PTPRO: variants seen among roughly 807,000 people sequenced by gnomAD.
The protein encoded by PTPRO is protein tyrosine phosphatase receptor type O, also known as receptor-type tyrosine-protein phosphatase O.
In PTPRO, 62 loss-of-function variants were observed where a neutral mutation model predicts 145.2. That is an observed-to-expected ratio of 0.43 (90% CI 0.35 to 0.53). The LOEUF is 0.53. Among genes scored for constraint, PTPRO ranks in the 20% least tolerant of loss-of-function variants. The pLI is 0.01. For synonymous variants in PTPRO, 565 were observed against 514.7 expected (o/e 1.10, Z -1.32); for missense variants, 1,345 against 1,482.7 (o/e 0.91, Z 1.53).
chr12:15,444,901 G>A (rs1274236355), intron 1 of PTPRO, among the ~76,000 whole-genome samples: 1 of 151,902 alleles, frequency 6.6e-6, no homozygotes, highest in African/African-American at 2.4e-5. Context: ...TTTTCACACT[G>A]GCCTTATTCC....
chr12:15,360,326 G>A (rs1282814312), intron 1 of PTPRO, among the ~76,000 whole-genome samples: 3 of 152,084 alleles, frequency 2.0e-5, no homozygotes, highest in Non-Finnish European at 4.4e-5. Flanking sequence ...AGTGACCTGA[G>A]ACTAATGATC....
intron 23 of PTPRO, among the ~76,000 whole-genome samples, chr12:15,585,106 T>C (rs1464182365): frequency 6.6e-6 from 1 of 152,206 alleles, no homozygotes; most frequent in Non-Finnish European, 1.5e-5. Flanking sequence ...AATTTAATGA[T>C]TTCCTGATTT....
intron 1 of PTPRO, among the ~76,000 whole-genome samples, chr12:15,330,843 C>T (rs1439747941): frequency 2.6e-5 from 4 of 152,184 alleles, no homozygotes; most frequent in African/African-American, 9.7e-5. Flanking sequence ...ATCGCTTTGG[C>T]TAGTCCATCC....
intron 1 of PTPRO, among the ~76,000 whole-genome samples, chr12:15,450,681 G>A (rs897036611): frequency 6.6e-6 from 1 of 152,094 alleles, no homozygotes; most frequent in Admixed American, 6.6e-5. Flanking sequence ...GCTGGGGTGG[G>A]AGGATTGCTT....
intron 1 of PTPRO, among the ~76,000 whole-genome samples, chr12:15,481,840 T>C (rs1314708598): frequency 1.3e-5 from 2 of 152,122 alleles, no homozygotes; most frequent in African/African-American, 2.4e-5. Flanking sequence ...AGAGTAGTGA[T>C]GTGTATTGTG....
intron 1 of PTPRO, among the ~76,000 whole-genome samples, chr12:15,340,664 T>C (rs936797450): frequency 6.6e-6 from 1 of 152,214 alleles, no homozygotes; most frequent in Non-Finnish European, 1.5e-5. Flanking sequence ...TACGTGCTGA[T>C]GGGGAGAACT....
chr12:15,568,034 T>G (rs1462561706), intron 18 of PTPRO, among the ~76,000 whole-genome samples: 1 of 152,222 alleles, frequency 6.6e-6, no homozygotes, highest in East Asian at 1.9e-4. Flanking sequence ...TAACGCCCTC[T>G]AAAATTTACT....
At position 15,497,251 on chromosome 12, in the gene PTPRO, T is replaced by TACCTGTA; in HGVS notation, c.360_366dup (p.Ser123CysfsTer8). On this transcript the variant is annotated frameshift_variant, in exon 3 of 27. Transcript: ENST00000281171. LOFTEE classifies it high-confidence loss of function. ...ATTTACTTCACTTCTGTAGAACCTC[T>TACCTGTA]ACCTGTAACCAGTGTTTCCATATAT... The TACCTGTA allele has an allele frequency of 6.4e-7, 1 of 1,568,210 alleles. No individual in the cohort carries two copies.
At chr12:15,361,252 A>T (rs957068732) in intron 1 of PTPRO, among the ~76,000 whole-genome samples, 1 of 151,780 alleles carries the variant, frequency 6.6e-6, no homozygotes, top group Non-Finnish European at 1.5e-5. Context: ...CCTGGCCAGC[A>T]TGGTGAAAAC....
chr12:15,357,939 A>G (rs1938049101), intron 1 of PTPRO, among the ~76,000 whole-genome samples: 1 of 151,236 alleles, frequency 6.6e-6, no homozygotes, highest in Admixed American at 6.6e-5. Flanking sequence ...ATGCACACGT[A>G]TGTTTATTGC....
At chr12:15,504,130 A>G in intron 6 of PTPRO, 61 bp downstream of exon 6, 2 of 1,508,250 alleles carry the variant, frequency 1.3e-6, no homozygotes, top group Non-Finnish European at 1.8e-6. Context: ...AACTGGTGGG[A>G]TTAATGATGC....
chr12:15,353,382 G>A lies in PTPRO; in HGVS notation c.75+30581G>A, dbSNP rs183315206. Among the ~76,000 whole-genome samples, 24 of 151,752 alleles carry A rather than the reference G, an allele frequency of 1.6e-4. No individual in the cohort carries two copies. In the East Asian group the frequency reaches 3.9e-3, roughly 24 times the overall value. ...CCATTTAGTCTGTCCCTAAAGAACT[G>A]AGGCTCCTAAGAATTTAACCATGTT... On this transcript the variant is annotated intron_variant, in intron 1 of 26. Coordinates refer to ENST00000281171, the MANE Select transcript of PTPRO (RefSeq NM_030667.3).
In PTPRO at chr12:15,322,935, C is replaced by A; in HGVS notation, c.75+134C>A. 1 of 821,680 alleles carries A rather than the reference C, an allele frequency of 1.2e-6. No individual in the cohort carries two copies. 50.9% of individuals were successfully genotyped at this position (821,680 alleles called of 1,614,324 possible). A position where few individuals can be genotyped will look rare whatever the true frequency, so the allele number is the denominator to read the frequency against. On this transcript the variant is annotated intron_variant, in intron 1 of 26. Transcript: ENST00000281171. The surrounding 1 kb of genome is among the most constrained non-coding windows in gnomAD (Gnocchi z 6.3). ...CCGCGGGAAGCGCCTGCCGTGCAGC[C>A]TGGGCGCACGCTTTGTTGTCCTCGC...
intron 1 of PTPRO, among the ~76,000 whole-genome samples, chr12:15,343,530 A>G (rs1181742282): frequency 6.6e-6 from 1 of 152,066 alleles, no homozygotes; most frequent in Non-Finnish European, 1.5e-5. Flanking sequence ...TCTACAAAAA[A>G]TTTCAAAATT....
At chr12:15,340,215 G>A (rs1347044319) in intron 1 of PTPRO, among the ~76,000 whole-genome samples, 1 of 152,168 alleles carries the variant, frequency 6.6e-6, no homozygotes, top group Non-Finnish European at 1.5e-5. Context: ...AAGGAGTTAG[G>A]AGTGAAACCT....
At chr12:15,476,068 A>G (rs1008997384) in intron 1 of PTPRO, among the ~76,000 whole-genome samples, 2 of 152,188 alleles carry the variant, frequency 1.3e-5, no homozygotes, top group Non-Finnish European at 2.9e-5. Flanking sequence ...GAAGGGCGCT[A>G]TGATAGGGGA....
chr12:15,369,175 C>T (rs1938450728), intron 1 of PTPRO, among the ~76,000 whole-genome samples: 1 of 152,108 alleles, frequency 6.6e-6, no homozygotes, highest in African/African-American at 2.4e-5. Context: ...AAAAAACGTC[C>T]CCAGTGGATA....
At chr12:15,486,765 C>T (rs1201415311) in intron 2 of PTPRO, among the ~76,000 whole-genome samples, 2 of 151,606 alleles carry the variant, frequency 1.3e-5, no homozygotes. Context: ...GCTCAATAGC[C>T]ATATGTAGCT....
At chr12:15,459,437 C>T (rs1319874479) in intron 1 of PTPRO, among the ~76,000 whole-genome samples, 4 of 152,186 alleles carry the variant, frequency 2.6e-5, no homozygotes, top group Non-Finnish European at 5.9e-5. Context: ...TTCCTTCCCT[C>T]TCCGGAGAGA....
Sources: allele counts gnomAD v4.1 joint callset (sites outside exome capture counted in the v4.1 genomes callset), GRCh38; gene constraint gnomAD v4.1.1; non-coding constraint Gnocchi (gnomAD v3.1); transcripts MANE v1.5; gene names NCBI Gene and HGNC (gene_info 2026-07-23, HGNC 2026-07-21).